The following INTU variants were observed in gnomAD, a reference collection of about 807,000 sequenced individuals.
INTU encodes the protein inturned planar cell polarity protein, also known as protein inturned.
A neutral mutation model predicts 100.5 loss-of-function variants in INTU; 68 were observed. The ratio of observed to expected loss-of-function variants is 0.68; its 90% CI spans 0.56 to 0.83. The LOEUF is 0.83. Ranked by LOEUF, INTU falls within the 40% of genes least tolerant of loss-of-function variation. The pLI, the probability that INTU is intolerant of heterozygous loss-of-function variation, is 0.00. For missense variants in INTU, 1,071 were observed against 1,114.7 expected (o/e 0.96, Z 0.56); for synonymous variants, 357 against 395.7 (o/e 0.90, Z 1.16).
intron 1 of INTU, among the ~76,000 whole-genome samples, chr4:127,641,828 C>G (rs749342611): frequency 1.1e-4 from 16 of 152,114 alleles, no homozygotes; most frequent in Admixed American, 6.6e-5. Flanking sequence ...TTGGCCACCA[C>G]GTGCATGGAT....
intron 1 of INTU, 80 bp downstream of exon 1, chr4:127,633,260 G>GT: frequency 2.8e-6 from 4 of 1,445,962 alleles, no homozygotes; most frequent in Non-Finnish European, 3.8e-6. Context: ...AACTGCAAGG[G>GT]TGTTGGCGTG....
chr4:127,670,348 A>G (rs1225013656), intron 5 of INTU, among the ~76,000 whole-genome samples: 1 of 151,870 alleles, frequency 6.6e-6, no homozygotes, highest in Non-Finnish European at 1.5e-5. Flanking sequence ...ATGATTTTAA[A>G]AGAGGTAGAA....
chr4:127,669,139 G>A lies in INTU; in HGVS notation c.1076G>A (p.Gly359Glu). The A allele has an allele frequency of 6.6e-7, 1 of 1,505,014 alleles. No homozygotes were observed. The highest frequency in any genetic ancestry group is 9.1e-7 in the Non-Finnish European group (1 of 1,103,610). The allele number at this position is 1,505,014 out of a possible 1,614,324, so 93.2% of individuals were successfully genotyped here. A position where few individuals can be genotyped will look rare whatever the true frequency, so the allele number is the denominator to read the frequency against. The change falls in exon 5 of 16, where the codon GGG becomes GAG. Residue 359 changes from glycine to glutamate, a missense_variant. Transcript: ENST00000335251. The part of the protein sequence containing the change: ...TLCDMLENVT[G>E]TQVTSSSLLL... ...TGTGACATGCTGGAAAACGTAACTG[G>A]GACACAAGTTACTAGGTAATAATTT...
intron 8 of INTU, chr4:127,699,440 C>T (rs923785277): frequency 1.3e-5 from 2 of 152,136 alleles, no homozygotes; most frequent in African/African-American, 4.8e-5. Flanking sequence ...CAGAGGAACA[C>T]TTGCCTTCGT....
intron 1 of INTU, among the ~76,000 whole-genome samples, chr4:127,639,040 A>G (rs1299055308): frequency 5.9e-5 from 9 of 152,150 alleles, no homozygotes; most frequent in Admixed American, 1.3e-4. Flanking sequence ...GATAGTACAG[A>G]CTTCCCATAA....
rs768605041 is a variant in INTU at position 127,643,572 on chromosome 4, T to G, written c.198T>G (p.Phe66Leu). The change falls in exon 2 of 16, where the codon TTT becomes TTG. Residue 66 changes from phenylalanine (F) to leucine (L), a missense_variant. Coordinates refer to ENST00000335251, the MANE Select transcript of INTU (RefSeq NM_015693.4). ...GTGTGCAGAAAAATGGAGAGCTGTTTTATTTGGAATTGAGTGAGGATGAAG... is the reference window on the plus strand; with the variant it reads ...GTGTGCAGAAAAATGGAGAGCTGTTGTATTTGGAATTGAGTGAGGATGAAG... ...LDSVQKNGELFYLELSEDEEE... is the reference protein window; with the variant it reads ...LDSVQKNGELLYLELSEDEEE... 7 of 1,610,560 alleles carry G rather than the reference T, an allele frequency of 4.3e-6. No individual in the cohort carries two copies. The African/African-American group carries it at 9.4e-5, about 22-fold the overall frequency.
At chr4:127,691,276 A>G (rs1307406192) in intron 8 of INTU, among the ~76,000 whole-genome samples, 1 of 152,104 alleles carries the variant, frequency 6.6e-6, no homozygotes, top group South Asian at 2.1e-4. Flanking sequence ...TGTTGCTCCC[A>G]TGTTTGGGCA....
chr4:127,662,274 A>C (rs1728509808), intron 3 of INTU, among the ~76,000 whole-genome samples: 3 of 152,008 alleles, frequency 2.0e-5, no homozygotes, highest in Non-Finnish European at 2.9e-5. Context: ...AAAGCTTTTT[A>C]GTTTAATTGG....
chr4:127,698,120 A>G lies in INTU; in HGVS notation c.1450-1890A>G, dbSNP rs34082377. On this transcript the variant is annotated intron_variant, in intron 8 of 15. Coordinates refer to ENST00000335251, the MANE Select transcript of INTU (RefSeq NM_015693.4). Reference sequence around the variant, plus strand: ...AGGCAACCAGAGTGAAACTATGTCCACAAAAGAAATCTAGTTAAAAACGTG... The same window carrying G: ...AGGCAACCAGAGTGAAACTATGTCCGCAAAAGAAATCTAGTTAAAAACGTG... Among the ~76,000 whole-genome samples, 451 of 152,156 alleles carry G rather than the reference A, an allele frequency of 3.0e-3. 3 individuals carry two copies. Among genetic ancestry groups the G allele is most frequent in the Non-Finnish European group, 4.0e-3 (273 of 67,996 alleles).
At chr4:127,715,002 T>C (rs866548275) in intron 15 of INTU, among the ~76,000 whole-genome samples, 1 of 152,034 alleles carries the variant, frequency 6.6e-6, no homozygotes, top group South Asian at 2.1e-4. Context: ...GAAATATCTA[T>C]ATATTTATAT....
At chr4:127,647,455 G>A (rs530346477) in intron 2 of INTU, among the ~76,000 whole-genome samples, 1 of 152,236 alleles carries the variant, frequency 6.6e-6, no homozygotes, top group Admixed American at 6.5e-5. Context: ...TCTCTCTCAT[G>A]CTGACCCTGA....
chr4:127,659,280 C>A (rs555390723), intron 3 of INTU, among the ~76,000 whole-genome samples: 1 of 151,960 alleles, frequency 6.6e-6, no homozygotes, highest in Non-Finnish European at 1.5e-5. Flanking sequence ...TGTTAAAATA[C>A]CTGCAAATAA....
At chr4:127,633,243 C>A in intron 1 of INTU, 63 bp downstream of exon 1, 1 of 1,543,454 alleles carries the variant, frequency 6.5e-7, no homozygotes, top group African/African-American at 1.4e-5. Context: ...TACACGTGGG[C>A]TGGGGGAACT....
At position 127,721,737 on chromosome 4, in the gene INTU, C is replaced by A. The variant is rs1022883577; in HGVS notation, c.*5301C>A. On this transcript the variant is annotated 3_prime_UTR_variant, in exon 16 of 16. Coordinates refer to ENST00000335251, the MANE Select transcript of INTU (RefSeq NM_015693.4). ...CAAGATAGTCTTCAAACTCTGATAT[C>A]CTTTCTTCCACTTAGTCTATTTGGC... 1.3e-4 allele frequency: 20 copies of A among 152,148 alleles called. No homozygotes were observed. Among genetic ancestry groups the A allele is most frequent in the African/African-American group, 4.6e-4 (19 of 41,408 alleles). 9.4% of individuals were successfully genotyped at this position (152,148 alleles called of 1,614,324 possible). A position where few individuals can be genotyped will look rare whatever the true frequency, so the allele number is the denominator to read the frequency against.
chr4:127,702,518 A>T (rs186877389), intron 9 of INTU, among the ~76,000 whole-genome samples: 6 of 152,254 alleles, frequency 3.9e-5, no homozygotes, highest in African/African-American at 1.4e-4. Flanking sequence ...CTCAGAAAAA[A>T]AGTTGGTGTA....
Position 127,706,739 on chromosome 4 carries a change from C to G in INTU, c.2041C>G (p.Gln681Glu). The G allele has an allele frequency of 6.2e-7, 1 of 1,614,094 alleles. No homozygotes were observed. Among genetic ancestry groups the G allele is most frequent in the South Asian group, 1.1e-5 (1 of 91,088 alleles). The change falls in exon 12 of 16, where the codon CAA becomes GAA. Residue 681 changes from glutamine to glutamate, a missense_variant. Transcript: ENST00000335251. The stretch of plus-strand genomic sequence containing the variant: ...CACTTCGCCTATTCTCAGTAGGCTA[C>G]AAGGTACTTCCAAAGTAGCAACTTC... ...LTTSPILSRLQGTSKVATSPT... is the reference protein window; with the variant it reads ...LTTSPILSRLEGTSKVATSPT...
intron 9 of INTU, among the ~76,000 whole-genome samples, chr4:127,700,564 T>C (rs1374146374): frequency 6.6e-6 from 1 of 152,078 alleles, no homozygotes; most frequent in Non-Finnish European, 1.5e-5. Flanking sequence ...TCATTCAAAA[T>C]TGGGGCTGAA....
rs780229944 is a variant in INTU at position 127,710,995 on chromosome 4, G to C, written c.2452G>C (p.Glu818Gln). The change falls in exon 14 of 16, where the codon GAA becomes CAA. Residue 818 changes from glutamate (E) to glutamine (Q), a missense_variant. Glu to Gln is a conservative substitution (Grantham distance 29). Coordinates refer to ENST00000335251, the MANE Select transcript of INTU (RefSeq NM_015693.4). ...VQGIFITPTL[E>Q]EVAQLSGSIH... Reference sequence around the variant, plus strand: ...AGGAATCTTTATTACTCCTACCCTTGAAGAGGTGGCACAGCTAAGTGGCTC... The same window carrying C: ...AGGAATCTTTATTACTCCTACCCTTCAAGAGGTGGCACAGCTAAGTGGCTC... 6.2e-7 allele frequency: 1 copy of C among 1,606,908 alleles called. No individual in the cohort carries two copies. Among genetic ancestry groups the C allele is most frequent in the South Asian group, 1.1e-5 (1 of 89,746 alleles).
chr4:127,687,660 C>T lies in INTU; in HGVS notation c.1260-18C>T, dbSNP rs1275428347. The T allele has an allele frequency of 6.3e-7, 1 of 1,593,734 alleles. No homozygotes were observed. Among genetic ancestry groups the T allele is most frequent in the Non-Finnish European group, 8.6e-7 (1 of 1,164,800 alleles). On this transcript the variant is annotated intron_variant, in intron 7 of 15. Transcript: ENST00000335251. ...CATTTCCATATGTCGTTCTAACTTA[C>T]AGCTCTTATTTCTCCAGTGCCTTTT...
Sources: gnomAD v4.1 joint callset for allele counts (sites outside exome capture counted in the v4.1 genomes callset) on GRCh38, gnomAD v4.1.1 for gene constraint, MANE v1.5 for transcripts, NCBI Gene and HGNC (gene_info 2026-07-23, HGNC 2026-07-21) for gene names.